The following RYR2 variants were observed in gnomAD, a reference collection of about 807,000 sequenced individuals.
RYR2 encodes cardiac muscle ryanodine receptor-calcium release channel.
A neutral mutation model predicts 601.1 loss-of-function variants in RYR2; 227 were observed. The ratio of observed to expected loss-of-function variants is 0.38; its 90% CI spans 0.34 to 0.42. RYR2 has a LOEUF of 0.42. RYR2 is among the 10% of genes least tolerant of loss of function. The pLI is 1.00. For synonymous variants in RYR2, 2,223 were observed against 2,175.1 expected (o/e 1.02, Z -0.61); for missense variants, 4,646 against 6,156.5 (o/e 0.75, Z 8.21).
chr1:237,407,120 C>T (rs1430091022), intron 10 of RYR2, among the ~76,000 whole-genome samples: 1 of 152,156 alleles, frequency 6.6e-6, no homozygotes, highest in Non-Finnish European at 1.5e-5. Flanking sequence ...TTTCACTTAG[C>T]AATCTGCATA....
At chr1:237,809,848 G>A (rs1013288426) in intron 100 of RYR2, among the ~76,000 whole-genome samples, 2 of 152,086 alleles carry the variant, frequency 1.3e-5, no homozygotes, top group African/African-American at 2.4e-5. Flanking sequence ...GTGGGACAGA[G>A]TAGTTCAGAA....
At chr1:237,336,393 A>G (rs1697237189) in intron 3 of RYR2, among the ~76,000 whole-genome samples, 2 of 152,222 alleles carry the variant, frequency 1.3e-5, no homozygotes, top group Non-Finnish European at 2.9e-5. Flanking sequence ...GTTTAGTAAA[A>G]TGGCTTATTG....
In RYR2 at chr1:237,395,533, C is replaced by CTTTTTTTTTTTT. The variant is rs71180022; in HGVS notation, c.773+7370_773+7381dup. On this transcript the variant is annotated intron_variant, in intron 10 of 104. Coordinates refer to ENST00000366574, the MANE Select transcript of RYR2 (RefSeq NM_001035.3). ...AGGACACGTCCGCTAGTAGGACTGT[C>CTTTTTTTTTTTT]TTTTTTTTTTTTTTTTTTTTTTTTT... Among the ~76,000 whole-genome samples the CTTTTTTTTTTTT allele has an allele frequency of 6.9e-4, 60 of 87,426 alleles. 2 individuals are homozygous for CTTTTTTTTTTTT. The highest frequency in any genetic ancestry group is 9.6e-4 in the Non-Finnish European group (45 of 46,740). 57.4% of individuals were successfully genotyped at this position (87,426 alleles called of 152,430 possible). A position where few individuals can be genotyped will look rare whatever the true frequency, so the allele number is the denominator to read the frequency against.
intron 2 of RYR2, among the ~76,000 whole-genome samples, chr1:237,298,827 C>T (rs1176339633): frequency 6.6e-6 from 1 of 151,900 alleles, no homozygotes; most frequent in Non-Finnish European, 1.5e-5. Flanking sequence ...TGGCAAGACC[C>T]CGTTTCTACA....
Position 237,785,064 on chromosome 1 carries a change from A to G in RYR2, c.13260+92A>G, listed in dbSNP as rs1261378349. 6 of 931,706 alleles carry G rather than the reference A, an allele frequency of 6.4e-6. No homozygotes were observed. In the Admixed American group the frequency reaches 1.2e-4, roughly 19 times the overall value. 57.7% of individuals were successfully genotyped at this position (931,706 alleles called of 1,614,324 possible). On this transcript the variant is annotated intron_variant, in intron 90 of 104. Coordinates refer to ENST00000366574, the MANE Select transcript of RYR2 (RefSeq NM_001035.3). ...AGACCAGGTTTCATGCTAGTGCCAG[A>G]ACGGTGTTACCTATGTGACTTGAAT...
At chr1:237,309,727 G>A (rs1303351020) in intron 2 of RYR2, among the ~76,000 whole-genome samples, 1 of 152,198 alleles carries the variant, frequency 6.6e-6, no homozygotes, top group Non-Finnish European at 1.5e-5. Context: ...CCATGGCCGG[G>A]GGGAGGCTCG....
chr1:237,787,360 C>T (rs539991082), intron 91 of RYR2, among the ~76,000 whole-genome samples: 7 of 151,770 alleles, frequency 4.6e-5, no homozygotes, highest in African/African-American at 7.3e-5. Context: ...GAGGCCGAGG[C>T]GGGCGGATCA....
rs1238744322 is a variant in RYR2 at position 237,707,205 on chromosome 1, C to T, written c.9837C>T (p.Asn3279=). The change falls in exon 68 of 105, where the codon AAC becomes AAT. Residue 3279 remains asparagine (N), a synonymous_variant. Transcript: ENST00000366574. ...NSEHMNTLLG[N]ILKIIYNNLG... Reference sequence around the variant, plus strand: ...AGCACATGAACACACTTCTAGGGAACATATTGAAAATCATATATAATAACT... The same window carrying T: ...AGCACATGAACACACTTCTAGGGAATATATTGAAAATCATATATAATAACT... 1.3e-6 allele frequency: 2 copies of T among 1,597,284 alleles called. No homozygotes were observed. Among genetic ancestry groups the T allele is most frequent in the Non-Finnish European group, 1.7e-6 (2 of 1,168,088 alleles).
Position 237,674,720 on chromosome 1 carries a change from T to G in RYR2, c.8715-11T>G. On this transcript the variant is annotated splice_polypyrimidine_tract_variant and intron_variant, in intron 59 of 104. Coordinates refer to ENST00000366574, the MANE Select transcript of RYR2 (RefSeq NM_001035.3). The stretch of plus-strand genomic sequence containing the variant: ...CAAATTGCTTTCCCATTTTCATTTT[T>G]GCTCTTCCAGAGGATTTAAGGACCT... 1 of 1,543,864 alleles carries G rather than the reference T, an allele frequency of 6.5e-7. No individual in the cohort carries two copies. Among genetic ancestry groups the G allele is most frequent in the Non-Finnish European group, 9.0e-7 (1 of 1,117,184 alleles).
At chr1:237,248,826 A>G (rs984308737) in intron 1 of RYR2, among the ~76,000 whole-genome samples, 24 of 143,654 alleles carry the variant, frequency 1.7e-4, no homozygotes, top group Admixed American at 7.4e-4. Context: ...CAATGGCGTG[A>G]TCTCAGCTCA....
At position 237,760,965 on chromosome 1, in the gene RYR2, C is replaced by T; in HGVS notation, c.11413C>T (p.Leu3805=). 4 of 1,569,610 alleles carry T rather than the reference C, an allele frequency of 2.5e-6. No homozygotes were observed. The highest frequency in any genetic ancestry group is 3.5e-6 in the Non-Finnish European group (4 of 1,155,304). ...GLMQSCSVLD[L]NAFERQNKAE... Reference sequence around the variant, plus strand: ...CCCTTGTTATTATAGTGTCCTTGACCTAAATGCATTTGAGCGACAAAACAA... The same window carrying T: ...CCCTTGTTATTATAGTGTCCTTGACTTAAATGCATTTGAGCGACAAAACAA... The change falls in exon 84 of 105, where the codon CTA becomes TTA. Residue 3805 remains leucine (L), a synonymous_variant. Coordinates refer to ENST00000366574, the MANE Select transcript of RYR2 (RefSeq NM_001035.3).
At chr1:237,511,849 A>AG in intron 24 of RYR2, 58 bp downstream of exon 24, 14 of 994,736 alleles carry the variant, frequency 1.4e-5, no homozygotes, top group South Asian at 5.5e-5. Flanking sequence ...AAAAAAAAAA[A>AG]AAAAAAAAAA....
chr1:237,561,588 A>G (rs1037228433), intron 27 of RYR2, among the ~76,000 whole-genome samples: 8 of 152,200 alleles, frequency 5.3e-5, no homozygotes, highest in Non-Finnish European at 7.3e-5. Flanking sequence ...GGAAGGGTAG[A>G]TGGTCCACTT....
At chr1:237,132,938 G>T (rs943149049) in intron 1 of RYR2, among the ~76,000 whole-genome samples, 1 of 152,082 alleles carries the variant, frequency 6.6e-6, no homozygotes, top group Non-Finnish European at 1.5e-5. Flanking sequence ...GTAGAGTTGG[G>T]TTTTTTACCA....
At chr1:237,803,499 A>G (rs1043032301) in intron 98 of RYR2, among the ~76,000 whole-genome samples, 1 of 151,972 alleles carries the variant, frequency 6.6e-6, no homozygotes, top group African/African-American at 2.4e-5. Flanking sequence ...ACGGGGTTTC[A>G]CCATGTTAGC....
rs536598968 is a variant in RYR2, at chr1:237,084,764, A to G, written c.48+42195A>G. On this transcript the variant is annotated intron_variant, in intron 1 of 104. Coordinates refer to ENST00000366574, the MANE Select transcript of RYR2 (RefSeq NM_001035.3). ...GTGCTAGTCCCTTTTTAATTCTCTAAAAGGAGAATTAAATTAAAAGCTGAC... is the reference window on the plus strand; with the variant it reads ...GTGCTAGTCCCTTTTTAATTCTCTAGAAGGAGAATTAAATTAAAAGCTGAC... 2.0e-5 allele frequency among the ~76,000 whole-genome samples: 3 copies of G among 152,294 alleles called. No homozygotes were observed. In the South Asian group the frequency reaches 6.2e-4, roughly 32 times the overall value.
chr1:237,452,146 TTAAG>T (rs1342609870), intron 14 of RYR2, among the ~76,000 whole-genome samples: 1 of 149,552 alleles, frequency 6.7e-6, no homozygotes, highest in East Asian at 1.9e-4. Context: ...TCATGAGCAT[TTAAG>T]TAATATATAA....
At position 237,123,198 on chromosome 1, in the gene RYR2, C is replaced by T. The variant is rs12048763; in HGVS notation, c.48+80629C>T. Among the ~76,000 whole-genome samples, 26 of 152,314 alleles carry T rather than the reference C, an allele frequency of 1.7e-4. No individual in the cohort carries two copies. In the East Asian group the frequency reaches 4.6e-3, roughly 27 times the overall value. On this transcript the variant is annotated intron_variant, in intron 1 of 104. Transcript: ENST00000366574. ...GTATGCACATATCATATACTCCACA[C>T]AGAACTGCAACAAAAAACTCAGGAA...
intron 87 of RYR2, among the ~76,000 whole-genome samples, chr1:237,775,378 T>C (rs1191855775): frequency 1.3e-5 from 2 of 152,190 alleles, no homozygotes; most frequent in African/African-American, 2.4e-5. Flanking sequence ...ACGTTATTTG[T>C]TTTTTAAAAT....
Sources: allele counts gnomAD v4.1 joint callset (sites outside exome capture counted in the v4.1 genomes callset), GRCh38; gene constraint gnomAD v4.1.1; transcripts MANE v1.5; gene names NCBI Gene and HGNC (gene_info 2026-07-23, HGNC 2026-07-21).